Variants in ZMYM2 observed in about 807,000 individuals in gnomAD.
ZMYM2 encodes the protein zinc finger MYM-type protein 2.
In ZMYM2, 56 loss-of-function variants were observed where a neutral mutation model predicts 162.8. The observed-to-expected ratio is 0.34, with a 90% CI of 0.28 to 0.43. ZMYM2 has a LOEUF of 0.43. ZMYM2 is among the 20% of genes least tolerant of loss of function. The pLI is 1.00. For missense variants in ZMYM2, 1,275 were observed against 1,621.8 expected, an observed-to-expected ratio of 0.79 and a Z score of 3.67; for synonymous variants, 510 against 541.6, an observed-to-expected ratio of 0.94 and a Z score of 0.81.
chr13:20,077,727 G>T (rs536963816), intron 21 of ZMYM2, among the ~76,000 whole-genome samples: 57 of 152,262 alleles, frequency 3.7e-4, no homozygotes, highest in African/African-American at 1.2e-3. Flanking sequence ...AAGCTTTGGG[G>T]TATTGAGGCT....
intron 24 of ZMYM2, among the ~76,000 whole-genome samples, chr13:20,084,860 G>A (rs1282794439): frequency 6.6e-6 from 1 of 152,092 alleles, no homozygotes; most frequent in Non-Finnish European, 1.5e-5. Flanking sequence ...TGGCCCTCAA[G>A]GACTTGTAAA....
upstream of ZMYM2, among the ~76,000 whole-genome samples, chr13:19,954,032 G>T (rs1194355208): frequency 1.3e-5 from 2 of 151,312 alleles, no homozygotes; most frequent in African/African-American, 2.4e-5. Flanking sequence ...TTTGTACCGG[G>T]TGCTGATGTA....
chr13:19,879,275 C>T, the ZMYM2 span, among the ~76,000 whole-genome samples: 3 of 152,052 alleles, frequency 2.0e-5, no homozygotes, highest in African/African-American at 7.2e-5. Flanking sequence ...GTATAGTACT[C>T]TTGTTGAAAA....
At chr13:19,912,525 A>C in the ZMYM2 span, among the ~76,000 whole-genome samples, 6 of 151,602 alleles carry the variant, frequency 4.0e-5, no homozygotes, top group African/African-American at 1.5e-4. Context: ...GTAGACATGG[A>C]GTCTCACTAA....
the ZMYM2 span, among the ~76,000 whole-genome samples, chr13:19,931,816 AG>A: frequency 6.6e-6 from 1 of 152,136 alleles, no homozygotes; most frequent in Non-Finnish European, 1.5e-5. Context: ...TTTGTAGAGA[AG>A]GTCTCACTAT....
chr13:19,936,049 G>A, the ZMYM2 span, among the ~76,000 whole-genome samples: 9 of 152,074 alleles, frequency 5.9e-5, no homozygotes, highest in Non-Finnish European at 1.3e-4. Context: ...CTGGAATCAC[G>A]GAATATCTAA....
At chr13:19,928,131 G>A in the ZMYM2 span, among the ~76,000 whole-genome samples, 8 of 152,122 alleles carry the variant, frequency 5.3e-5, no homozygotes, top group Non-Finnish European at 1.0e-4. Context: ...TCAGCTTCTC[G>A]TGTAGCTGGG....
the ZMYM2 span, among the ~76,000 whole-genome samples, chr13:19,924,798 T>G: frequency 2.4e-3 from 368 of 152,286 alleles, 12 homozygotes; most frequent in South Asian, 0.044. Flanking sequence ...CTGTGATAAC[T>G]GGGTTTCAAT....
At chr13:20,015,980 T>C (rs1433540443) in intron 6 of ZMYM2, among the ~76,000 whole-genome samples, 2 of 152,080 alleles carry the variant, frequency 1.3e-5, no homozygotes, top group Admixed American at 6.5e-5. Context: ...GCCTTTTGAT[T>C]GGATAATTTG....
the ZMYM2 span, among the ~76,000 whole-genome samples, chr13:19,885,911 A>ATGTGTG: frequency 1.6e-4 from 4 of 25,608 alleles, no homozygotes; most frequent in Non-Finnish European, 3.6e-4. Context: ...ATATATATGT[A>ATGTGTG]TATACACATA....
chr13:20,054,718 G>GT (rs1203947121), intron 14 of ZMYM2, among the ~76,000 whole-genome samples: 5 of 152,236 alleles, frequency 3.3e-5, no homozygotes, highest in African/African-American at 9.6e-5. Context: ...ACATAAAGTA[G>GT]TATTTGCAGA....
At chr13:19,997,095 T>G (rs1342258713) in intron 3 of ZMYM2, among the ~76,000 whole-genome samples, 2 of 152,172 alleles carry the variant, frequency 1.3e-5, no homozygotes, top group African/African-American at 2.4e-5. Context: ...TGGTTGTCTT[T>G]TAGTCTTTTT....
chr13:19,897,512 C>T, the ZMYM2 span, among the ~76,000 whole-genome samples: 21 of 151,200 alleles, frequency 1.4e-4, no homozygotes, highest in East Asian at 2.9e-3. Flanking sequence ...AGTGGGCAGG[C>T]GCCGTGGCCT....
rs74035453 is a variant in ZMYM2, at chr13:19,982,829, G to C, written c.-10-10234G>C. Among the ~76,000 whole-genome samples, 128 of 152,226 alleles carry C rather than the reference G, an allele frequency of 8.4e-4. 1 individual carries two copies. Among genetic ancestry groups the C allele is most frequent in the African/African-American group, 2.8e-3 (115 of 41,528 alleles). On this transcript the variant is annotated intron_variant, in intron 2 of 24. Coordinates refer to ENST00000610343, the MANE Select transcript of ZMYM2 (RefSeq NM_197968.4). The stretch of plus-strand genomic sequence containing the variant: ...TGTTTACCTTTTTCAGGCCTGCTAA[G>C]TCAGATACAACTAATCCATGCTTAT...
chr13:20,006,633 G>C lies in ZMYM2; in HGVS notation c.1512+47G>C, dbSNP rs767851404. 7 of 1,568,584 alleles carry C rather than the reference G, an allele frequency of 4.5e-6. No homozygotes were observed. The East Asian group carries it at 9.0e-5, about 20-fold the overall frequency. On this transcript the variant is annotated intron_variant, in intron 6 of 24. Coordinates refer to ENST00000610343, the MANE Select transcript of ZMYM2 (RefSeq NM_197968.4). ...ATTGGGCATTCTTTAGAATGTTCTT[G>C]AAAGTGTTGTAATACTTTTACTCTA...
chr13:19,943,936 T>C, the ZMYM2 span, among the ~76,000 whole-genome samples: 1 of 152,112 alleles, frequency 6.6e-6, no homozygotes, highest in African/African-American at 2.4e-5. Flanking sequence ...ATCCAATGTG[T>C]CTAGTGTGTA....
At chr13:20,045,011 C>T (rs1206790801) in intron 12 of ZMYM2, among the ~76,000 whole-genome samples, 2 of 139,782 alleles carry the variant, frequency 1.4e-5, no homozygotes, top group Admixed American at 7.5e-5. Flanking sequence ...GATGGCACCA[C>T]TACACTCCAG....
chr13:19,966,536 C>A (rs1263119351), intron 2 of ZMYM2, among the ~76,000 whole-genome samples: 1 of 151,636 alleles, frequency 6.6e-6, no homozygotes, highest in African/African-American at 2.4e-5. Flanking sequence ...CTCACCGCAG[C>A]CCCTACCTCC....
the ZMYM2 span, among the ~76,000 whole-genome samples, chr13:19,922,419 A>G: frequency 6.6e-6 from 1 of 152,206 alleles, no homozygotes; most frequent in East Asian, 1.9e-4. Flanking sequence ...GCAGTTTCAA[A>G]AGACGTCATA....
Sources: allele counts gnomAD v4.1 joint callset (sites outside exome capture counted in the v4.1 genomes callset), GRCh38; gene constraint gnomAD v4.1.1; transcripts MANE v1.5; gene names NCBI Gene and HGNC (gene_info 2026-07-23, HGNC 2026-07-21).